Variants in TPCN2 observed in about 807,000 individuals in gnomAD.
TPCN2 encodes two pore channel protein 2.
TPCN2 carries 92 observed loss-of-function variants against 111.4 expected under a neutral mutation model. The observed-to-expected ratio is 0.83, with a 90% CI of 0.70 to 0.98. The LOEUF (loss-of-function observed/expected upper bound fraction) is 0.98. Ranked by LOEUF, TPCN2 falls within the 50% of genes least tolerant of loss-of-function variation. The probability of loss-of-function intolerance (pLI) is 0.00; values close to 1 mark genes in which losing one functional copy is unlikely to be tolerated. For synonymous variants in TPCN2, 405 were observed against 414.5 expected, an observed-to-expected ratio of 0.98 and a Z score of 0.28; for missense variants, 995 against 980.1, an observed-to-expected ratio of 1.02 and a Z score of -0.20.
chr11:69,069,184 C>G (rs1855402386), intron 8 of TPCN2, among the ~76,000 whole-genome samples: 1 of 142,464 alleles, frequency 7.0e-6, no homozygotes, highest in Non-Finnish European at 1.5e-5. Flanking sequence ...TGTCTGAGTC[C>G]TAGCAAGTGA....
rs1016205761 is a variant in TPCN2 at position 69,085,863 on chromosome 11, C to T, written c.1936C>T (p.Leu646=). ...FDDFAAALVT[L]WNLMVVNNWQ... ...GCCCCCGCAGGCTGCCCTGGTCACT[C>T]TGTGGAACTTGATGGTGGTGAACAA... Residue 646 remains leucine (L), a synonymous_variant, in exon 22 of 25, where the codon CTG becomes TTG. Coordinates refer to ENST00000294309, the MANE Select transcript of TPCN2 (RefSeq NM_139075.4). The T allele has an allele frequency of 1.2e-6, 2 of 1,614,206 alleles. No individual in the cohort carries two copies. Among genetic ancestry groups the T allele is most frequent in the African/African-American group, 1.3e-5 (1 of 75,064 alleles).
intron 13 of TPCN2, among the ~76,000 whole-genome samples, chr11:69,075,961 C>T (rs1290162204): frequency 6.6e-6 from 1 of 152,324 alleles, no homozygotes; most frequent in East Asian, 1.9e-4. Flanking sequence ...CATATGAACA[C>T]CTTCTCCTTG....
intron 18 of TPCN2, among the ~76,000 whole-genome samples, chr11:69,082,310 G>T (rs1010986213): frequency 1.3e-5 from 2 of 152,168 alleles, no homozygotes; most frequent in African/African-American, 4.8e-5. Flanking sequence ...CCACACATGT[G>T]ACCATGCACA....
At position 69,063,753 on chromosome 11, in the gene TPCN2, G is replaced by A. The variant is rs908725113; in HGVS notation, c.654-142G>A. On this transcript the variant is annotated intron_variant, in intron 6 of 24. Transcript: ENST00000294309. Reference sequence around the variant, plus strand: ...CTGAGCATGAGGCAAGGCCCTCGGGGAGAGGGGGACCCAGCTGCTGCCTGG... The same window carrying A: ...CTGAGCATGAGGCAAGGCCCTCGGGAAGAGGGGGACCCAGCTGCTGCCTGG... 1.4e-5 allele frequency: 10 copies of A among 721,496 alleles called. No individual in the cohort carries two copies. The Admixed American group carries it at 1.7e-4, about 13-fold the overall frequency. The allele number at this position is 721,496 out of a possible 1,614,324, so 44.7% of individuals were successfully genotyped here. A position where few individuals can be genotyped will look rare whatever the true frequency, so the allele number is the denominator to read the frequency against.
At chr11:69,086,427 C>A in intron 22 of TPCN2, 96 bp from the exon 23 acceptor site, 1 of 1,015,520 alleles carries the variant, frequency 9.8e-7, no homozygotes, top group Non-Finnish European at 1.6e-6. Flanking sequence ...GGGCCGGCTG[C>A]CCGAGAGCTG....
chr11:69,069,407 C>T (rs1315618184), intron 8 of TPCN2, among the ~76,000 whole-genome samples: 1 of 31,944 alleles, frequency 3.1e-5, no homozygotes, highest in Non-Finnish European at 8.9e-5. Flanking sequence ...GGAGCAGGAC[C>T]GTCTGAGTCC....
At chr11:69,070,046 A>G (rs182941571) in intron 8 of TPCN2, among the ~76,000 whole-genome samples, 1,451 of 136,440 alleles carry the variant, frequency 0.011, 25 homozygotes, top group African/African-American at 0.039. Flanking sequence ...TTTGTTTGAG[A>G]TGGTGCCATG....
intron 23 of TPCN2, 74 bp from the exon 24 acceptor site, chr11:69,087,038 G>A (rs1590757334): frequency 7.4e-7 from 1 of 1,353,442 alleles, no homozygotes; most frequent in African/African-American, 1.4e-5. Context: ...GGCTGACCCT[G>A]GAGGGGCCGG....
rs1437886263 is a variant in TPCN2, at chr11:69,049,007, CCCCAGGCGGAGT to C, written c.12_23del (p.Gln5_Ser8del). 15 of 1,239,290 alleles carry C rather than the reference CCCCAGGCGGAGT, an allele frequency of 1.2e-5. No individual in the cohort carries two copies. The highest frequency in any genetic ancestry group is 1.3e-5 in the Non-Finnish European group (13 of 987,936). 76.8% of individuals were successfully genotyped at this position (1,239,290 alleles called of 1,614,324 possible). On this transcript the variant is annotated inframe_deletion, in exon 1 of 25. Coordinates refer to ENST00000294309, the MANE Select transcript of TPCN2 (RefSeq NM_139075.4). ...GCGCGTGGGCTGCTGGATGGCGGAA[CCCCAGGCGGAGT>C]CGGAGCCCCTGCTGGGCGGGGCCCG... is the stretch of plus-strand genomic sequence containing the variant.
chr11:69,073,006 C>T lies in TPCN2; in HGVS notation c.1230+5C>T. On this transcript the variant is annotated splice_donor_5th_base_variant and intron_variant, in intron 13 of 24. Transcript: ENST00000294309. Reference sequence around the variant, plus strand: ...GACAGAAGTGTGGTTAAAGAGGTAACTGGGGCCACAGCCGCCCAGGGTGGA... The same window carrying T: ...GACAGAAGTGTGGTTAAAGAGGTAATTGGGGCCACAGCCGCCCAGGGTGGA... The T allele has an allele frequency of 6.2e-7, 1 of 1,612,400 alleles. No individual in the cohort carries two copies. The highest frequency in any genetic ancestry group is 8.5e-7 in the Non-Finnish European group (1 of 1,178,752).
intron 22 of TPCN2, 126 bp downstream of exon 22, chr11:69,086,056 G>A: frequency 1.1e-6 from 1 of 926,564 alleles, no homozygotes; most frequent in Non-Finnish European, 1.7e-6. Context: ...GGCCTTGACA[G>A]GGAAGTCGGC....
In TPCN2 at chr11:69,049,047, G is replaced by A; in HGVS notation, c.50G>A (p.Gly17Asp). 8.1e-7 allele frequency: 1 copy of A among 1,242,226 alleles called. No individual in the cohort carries two copies. Among genetic ancestry groups the A allele is most frequent in the Non-Finnish European group, 1.0e-6 (1 of 988,630 alleles). The allele number at this position is 1,242,226 out of a possible 1,614,324, so 77.0% of individuals were successfully genotyped here. Residue 17 changes from glycine (G) to aspartate (D), a missense_variant, in exon 1 of 25, where the codon GGC becomes GAC. By Grantham distance (94) the Gly-to-Asp change is moderately conservative. Coordinates refer to ENST00000294309, the MANE Select transcript of TPCN2 (RefSeq NM_139075.4). ...GAGCCCCTGCTGGGCGGGGCCCGCGGCGGTGGCGGCGACTGGCCGGCGGGG... is the reference window on the plus strand; with the variant it reads ...GAGCCCCTGCTGGGCGGGGCCCGCGACGGTGGCGGCGACTGGCCGGCGGGG... Reference protein sequence around the residue: ...ESEPLLGGARGGGGDWPAGLT... With the variant: ...ESEPLLGGARDGGGDWPAGLT...
At chr11:69,072,226 G>GCC (rs35161115) in intron 11 of TPCN2, among the ~76,000 whole-genome samples, 15 of 151,886 alleles carry the variant, frequency 9.9e-5, no homozygotes, top group South Asian at 4.2e-4. Flanking sequence ...TTGTCTTCGT[G>GCC]CCCCCCGGGG....
intron 16 of TPCN2, chr11:69,079,241 A>G (rs1049417699): frequency 3.1e-5 from 18 of 578,214 alleles, no homozygotes; most frequent in Non-Finnish European, 5.0e-5. Flanking sequence ...TCCGAGTGTC[A>G]TGGGGGGCAG....
intron 20 of TPCN2, 151 bp downstream of exon 20, chr11:69,085,437 A>T: frequency 1.3e-6 from 1 of 773,826 alleles, no homozygotes; most frequent in Non-Finnish European, 2.1e-6. Flanking sequence ...CCTTTTCCCG[A>T]CCCCCAATTT....
chr11:69,054,141 GC>G, intron 2 of TPCN2, 44 bp downstream of exon 2: 1 of 1,547,108 alleles, frequency 6.5e-7, no homozygotes, highest in Non-Finnish European at 8.9e-7. Flanking sequence ...GGGGGTGGCC[GC>G]CCTCCGATTG....
chr11:69,055,146 G>T, intron 3 of TPCN2, 29 bp from the exon 4 acceptor site: 1 of 1,608,880 alleles, frequency 6.2e-7, no homozygotes, highest in Non-Finnish European at 8.5e-7. Context: ...GCTGGCTCCT[G>T]TGTTTTCATG....
Position 69,064,287 on chromosome 11 carries a change from C to G in TPCN2, c.726+320C>G, listed in dbSNP as rs993746885. ...TATCCTCCTTCCCACTTCCCTCCCC[C>G]CTCCCTATCCCCCGCCCCTCCCCGC... On this transcript the variant is annotated intron_variant, in intron 7 of 24. Coordinates refer to ENST00000294309, the MANE Select transcript of TPCN2 (RefSeq NM_139075.4). 3.1e-4 allele frequency among the ~76,000 whole-genome samples: 44 copies of G among 141,992 alleles called. No homozygotes were observed. In the East Asian group the frequency reaches 3.8e-3, roughly 12 times the overall value. The allele number at this position is 141,992 out of a possible 152,430, so 93.2% of individuals were successfully genotyped here.
rs779006615 is a variant in TPCN2, at chr11:69,087,856, T to G, written c.2181-19T>G. ...CCTCCTTTAGAGGCCCCTGTGTGCATCTTTCCTCAATTCCACAGGGATATT... is the reference window on the plus strand; with the variant it reads ...CCTCCTTTAGAGGCCCCTGTGTGCAGCTTTCCTCAATTCCACAGGGATATT... On this transcript the variant is annotated intron_variant, in intron 24 of 24. Transcript: ENST00000294309. The G allele has an allele frequency of 6.2e-7, 1 of 1,609,616 alleles. No homozygotes were observed. The highest frequency in any genetic ancestry group is 8.5e-7 in the Non-Finnish European group (1 of 1,177,894).
Sources: allele counts gnomAD v4.1 joint callset (sites outside exome capture counted in the v4.1 genomes callset), GRCh38; gene constraint gnomAD v4.1.1; transcripts MANE v1.5; gene names NCBI Gene and HGNC (gene_info 2026-07-23, HGNC 2026-07-21).